The following DEXI variants were observed in gnomAD, a reference collection of about 807,000 sequenced individuals.
The protein encoded by DEXI is dexamethasone-induced protein.
In DEXI, 2 loss-of-function variants were observed where a neutral mutation model predicts 2.5. The ratio of observed to expected loss-of-function variants is 0.81; its 90% CI spans 0.33 to 2.55. The LOEUF (loss-of-function observed/expected upper bound fraction) is 2.55. DEXI is among the 30% of genes most tolerant of loss of function. The pLI is 0.11. For synonymous variants in DEXI, 71 were observed against 68.7 expected, an observed-to-expected ratio of 1.03 and a Z score of -0.17; for missense variants, 108 against 130.3, an observed-to-expected ratio of 0.83 and a Z score of 0.83.
chr16:10,933,285 ACT>A (rs1596651078), intron 1 of DEXI: 1 of 152,278 alleles, frequency 6.6e-6, no homozygotes, highest in Non-Finnish European at 1.5e-5. Flanking sequence ...TAGCTCAGTA[ACT>A]CTGCAGAGAA....
rs1380874310 is a variant in DEXI at position 10,934,481 on chromosome 16, TCCGCTGCTGCGTATTCACTA to T, written c.*150-4942_*150-4923del. The T allele has an allele frequency of 2.6e-5, 4 of 152,278 alleles. No individual in the cohort carries two copies. Among genetic ancestry groups the T allele is most frequent in the African/African-American group, 4.8e-5 (2 of 41,432 alleles). 9.4% of individuals were successfully genotyped at this position (152,278 alleles called of 1,614,324 possible). A position where few individuals can be genotyped will look rare whatever the true frequency, so the allele number is the denominator to read the frequency against. On this transcript the variant is annotated intron_variant, in intron 1 of 1. Coordinates refer to ENST00000331808, the MANE Select transcript of DEXI (RefSeq NM_014015.4). The surrounding 1 kb of genome is among the most constrained non-coding windows in gnomAD (Gnocchi z 4.2). ...GTCGGGGCCCTGAGAGCTGATCTGATCCGCTGCTGCGTATTCACTACCGCCCTGGGACGCCTCCAGCAGAC... is the reference window on the plus strand; with the variant it reads ...GTCGGGGCCCTGAGAGCTGATCTGATCCGCCCTGGGACGCCTCCAGCAGAC...
chr16:10,937,857 G>C lies in DEXI; in HGVS notation c.*149+3712C>G, dbSNP rs2041050905. 1.3e-5 allele frequency: 2 copies of C among 152,174 alleles called. No individual in the cohort carries two copies. The highest frequency in any genetic ancestry group is 4.8e-5 in the African/African-American group (2 of 41,426). 9.4% of individuals were successfully genotyped at this position (152,174 alleles called of 1,614,324 possible). ...ACAGAGCCGGCTATCCAGGGTTCTGGTGCCCTGGGGACCACAGGGCAGCAA... is the reference window on the plus strand; with the variant it reads ...ACAGAGCCGGCTATCCAGGGTTCTGCTGCCCTGGGGACCACAGGGCAGCAA... On this transcript the variant is annotated intron_variant, in intron 1 of 1. Transcript: ENST00000331808. The surrounding 1 kb of genome is among the most constrained non-coding windows in gnomAD (Gnocchi z 4.2).
rs1384076638 is a variant in DEXI, at chr16:10,939,974, C to G, written c.*149+1595G>C. 1 of 152,444 alleles carries G rather than the reference C, an allele frequency of 6.6e-6. No homozygotes were observed. Among genetic ancestry groups the G allele is most frequent in the Admixed American group, 6.5e-5 (1 of 15,282 alleles). 9.4% of individuals were successfully genotyped at this position (152,444 alleles called of 1,614,324 possible). A position where few individuals can be genotyped will look rare whatever the true frequency, so the allele number is the denominator to read the frequency against. On this transcript the variant is annotated intron_variant, in intron 1 of 1. Coordinates refer to ENST00000331808, the MANE Select transcript of DEXI (RefSeq NM_014015.4). This position sits in a 1 kb window ranked among gnomAD's most constrained non-coding sequence, Gnocchi z 4.9. The stretch of plus-strand genomic sequence containing the variant: ...AAAGAACGGACGGATGGATGGCAGG[C>G]AGGCAGGCAGGCTGGGGAGGTGTGC...
At position 10,937,723 on chromosome 16, in the gene DEXI, C is replaced by T. The variant is rs1012232719; in HGVS notation, c.*149+3846G>A. 1 of 152,278 alleles carries T rather than the reference C, an allele frequency of 6.6e-6. No homozygotes were observed. The highest frequency in any genetic ancestry group is 1.5e-5 in the Non-Finnish European group (1 of 68,090). 9.4% of individuals were successfully genotyped at this position (152,278 alleles called of 1,614,324 possible). ...CACCAGAACTGCTGGGACGTGAAGA[C>T]TCTCCCTGGCTCCCAGGCCAGCCAC... On this transcript the variant is annotated intron_variant, in intron 1 of 1. Transcript: ENST00000331808. This position sits in a 1 kb window ranked among gnomAD's most constrained non-coding sequence, Gnocchi z 4.2.
At chr16:10,932,552 T>A (rs972757405) in intron 1 of DEXI, 5 of 152,044 alleles carry the variant, frequency 3.3e-5, no homozygotes, top group African/African-American at 9.7e-5. Context: ...GATGGGGGTA[T>A]CCAATCTTTT....
chr16:10,941,513 C>T lies in DEXI; in HGVS notation c.*149+56G>A. On this transcript the variant is annotated intron_variant, in intron 1 of 1. Transcript: ENST00000331808. The surrounding 1 kb of genome is among the most constrained non-coding windows in gnomAD (Gnocchi z 6.4). ...TGTGTATCCGGCCTGGGAATTCCTC[C>T]CTCTCCCTTGCTAGCGCCCCAACCC... 4 of 1,387,076 alleles carry T rather than the reference C, an allele frequency of 2.9e-6. No individual in the cohort carries two copies. The highest frequency in any genetic ancestry group is 3.7e-6 in the Non-Finnish European group (4 of 1,067,218). 85.9% of individuals were successfully genotyped at this position (1,387,076 alleles called of 1,614,324 possible). A position where few individuals can be genotyped will look rare whatever the true frequency, so the allele number is the denominator to read the frequency against.
rs2040912567 is a variant in DEXI, at chr16:10,934,003, C to G, written c.*150-4444G>C. On this transcript the variant is annotated intron_variant, in intron 1 of 1. Coordinates refer to ENST00000331808, the MANE Select transcript of DEXI (RefSeq NM_014015.4). The surrounding 1 kb of genome is among the most constrained non-coding windows in gnomAD (Gnocchi z 4.2). The stretch of plus-strand genomic sequence containing the variant: ...TGCCTGTCTCTGCACAGGTCCATGT[C>G]CCTGAGGAAAGCCAACGTCACAGAG... The G allele has an allele frequency of 6.6e-6, 1 of 152,218 alleles. No individual in the cohort carries two copies. The highest frequency in any genetic ancestry group is 2.4e-5 in the African/African-American group (1 of 41,440). 9.4% of individuals were successfully genotyped at this position (152,218 alleles called of 1,614,324 possible). A position where few individuals can be genotyped will look rare whatever the true frequency, so the allele number is the denominator to read the frequency against.
intron 1 of DEXI, chr16:10,933,938 CT>C (rs2040908807): frequency 6.6e-6 from 1 of 152,244 alleles, no homozygotes; most frequent in South Asian, 2.1e-4. Context: ...GTCTGGCTGT[CT>C]CCTGGTGGCC....
At position 10,939,646 on chromosome 16, in the gene DEXI, A is replaced by G. The variant is rs2041074587; in HGVS notation, c.*149+1923T>C. 6.6e-6 allele frequency: 1 copy of G among 152,246 alleles called. No homozygotes were observed. The highest frequency in any genetic ancestry group is 1.5e-5 in the Non-Finnish European group (1 of 68,060). The allele number at this position is 152,246 out of a possible 1,614,324, so 9.4% of individuals were successfully genotyped here. ...TTAGAGAGGCTTTCTCTGACCCCTC[A>G]GCTAAAGCAGCCCACCATCTCTATC... On this transcript the variant is annotated intron_variant, in intron 1 of 1. Coordinates refer to ENST00000331808, the MANE Select transcript of DEXI (RefSeq NM_014015.4). The surrounding 1 kb of genome is among the most constrained non-coding windows in gnomAD (Gnocchi z 4.9).
rs1307510098 is a variant in DEXI at position 10,929,398 on chromosome 16, T to C, written c.*311A>G. The C allele has an allele frequency of 7.1e-6, 7 of 985,892 alleles. No individual in the cohort carries two copies. The highest frequency in any genetic ancestry group is 8.4e-6 in the Non-Finnish European group (7 of 829,946). 61.1% of individuals were successfully genotyped at this position (985,892 alleles called of 1,614,324 possible). ...AGAAGCCAAGGCCAGGCCATCGATTTGACACTGCAGGCAGATGAGGTCTTG... is the reference window on the plus strand; with the variant it reads ...AGAAGCCAAGGCCAGGCCATCGATTCGACACTGCAGGCAGATGAGGTCTTG... On this transcript the variant is annotated 3_prime_UTR_variant, in exon 2 of 2. Transcript: ENST00000331808. This position sits in a 1 kb window ranked among gnomAD's most constrained non-coding sequence, Gnocchi z 4.3.
At position 10,929,287 on chromosome 16, in the gene DEXI, G is replaced by A. The variant is rs928690536; in HGVS notation, c.*422C>T. On this transcript the variant is annotated 3_prime_UTR_variant, in exon 2 of 2. Coordinates refer to ENST00000331808, the MANE Select transcript of DEXI (RefSeq NM_014015.4). The surrounding 1 kb of genome is among the most constrained non-coding windows in gnomAD (Gnocchi z 4.3). ...AGTGTCCTCTCCGAAGGTGAAGTGG[G>A]GGAAGCAGGTGCGCTCCGGGATGAA... 2.0e-6 allele frequency: 2 copies of A among 985,826 alleles called. No homozygotes were observed. Among genetic ancestry groups the A allele is most frequent in the South Asian group, 4.7e-5 (1 of 21,296 alleles). 61.1% of individuals were successfully genotyped at this position (985,826 alleles called of 1,614,324 possible).
intron 1 of DEXI, chr16:10,932,557 T>A (rs1567462974): frequency 6.6e-6 from 1 of 151,962 alleles, no homozygotes; most frequent in Non-Finnish European, 1.5e-5. Context: ...GGGTATCCAA[T>A]CTTTTGGCTT....
chr16:10,929,285 G>A lies in DEXI; in HGVS notation c.*424C>T, dbSNP rs1364599383. ...GAAGTGTCCTCTCCGAAGGTGAAGT[G>A]GGGGAAGCAGGTGCGCTCCGGGATG... On this transcript the variant is annotated 3_prime_UTR_variant, in exon 2 of 2. Transcript: ENST00000331808. The surrounding 1 kb of genome is among the most constrained non-coding windows in gnomAD (Gnocchi z 4.3). 7.1e-6 allele frequency: 7 copies of A among 985,970 alleles called. No individual in the cohort carries two copies. Among genetic ancestry groups the A allele is most frequent in the Non-Finnish European group, 8.4e-6 (7 of 829,988 alleles). The allele number at this position is 985,970 out of a possible 1,614,324, so 61.1% of individuals were successfully genotyped here.
chr16:10,931,964 G>A (rs2040817032), intron 1 of DEXI: 1 of 152,216 alleles, frequency 6.6e-6, no homozygotes, highest in African/African-American at 2.4e-5. Flanking sequence ...ACTGTTAATA[G>A]TTCAGGTAAC....
chr16:10,941,684 T>A lies in DEXI; in HGVS notation c.*34A>T, dbSNP rs2041104347. On this transcript the variant is annotated 3_prime_UTR_variant, in exon 1 of 2. Coordinates refer to ENST00000331808, the MANE Select transcript of DEXI (RefSeq NM_014015.4). This position sits in a 1 kb window ranked among gnomAD's most constrained non-coding sequence, Gnocchi z 6.4. ...GCTGGTCCAGGGCATGGGTTGCGGA[T>A]CGTGTAGGGAAGAGGGGAACAGCAG... The A allele has an allele frequency of 6.4e-7, 1 of 1,569,540 alleles. No individual in the cohort carries two copies. The highest frequency in any genetic ancestry group is 1.4e-5 in the African/African-American group (1 of 73,990).
chr16:10,930,426 C>T (rs1293838283), intron 1 of DEXI: 2 of 152,178 alleles, frequency 1.3e-5, no homozygotes, highest in African/African-American at 4.8e-5. Context: ...CACCCCTGGC[C>T]ACTGGAACAA....
chr16:10,932,790 C>T (rs2145359923), intron 1 of DEXI: 1 of 149,012 alleles, frequency 6.7e-6, no homozygotes, highest in South Asian at 2.1e-4. Flanking sequence ...CAGGTTCAAG[C>T]AATTCTCATG....
chr16:10,942,070 G>C lies in DEXI; in HGVS notation c.-65C>G, dbSNP rs985352530. ...AACTCAGCCGCTGCGGCGCCCGGGCGGCCGGCGAGGGCACAGCGCAGCCAT... is the reference window on the plus strand; with the variant it reads ...AACTCAGCCGCTGCGGCGCCCGGGCCGCCGGCGAGGGCACAGCGCAGCCAT... On this transcript the variant is annotated 5_prime_UTR_variant, in exon 1 of 2. Coordinates refer to ENST00000331808, the MANE Select transcript of DEXI (RefSeq NM_014015.4). The surrounding 1 kb of genome is among the most constrained non-coding windows in gnomAD (Gnocchi z 5.0). 6.1e-5 allele frequency: 79 copies of C among 1,285,308 alleles called. No homozygotes were observed. The highest frequency in any genetic ancestry group is 7.2e-5 in the Non-Finnish European group (72 of 1,004,352). The allele number at this position is 1,285,308 out of a possible 1,614,324, so 79.6% of individuals were successfully genotyped here. A position where few individuals can be genotyped will look rare whatever the true frequency, so the allele number is the denominator to read the frequency against.
At position 10,929,413 on chromosome 16, in the gene DEXI, A is replaced by G; in HGVS notation, c.*296T>C. ...GCCATCGATTTGACACTGCAGGCAG[A>G]TGAGGTCTTGGGATGCCTCTTGCGT... On this transcript the variant is annotated 3_prime_UTR_variant, in exon 2 of 2. Transcript: ENST00000331808. This position sits in a 1 kb window ranked among gnomAD's most constrained non-coding sequence, Gnocchi z 4.3. 4 of 985,900 alleles carry G rather than the reference A, an allele frequency of 4.1e-6. No homozygotes were observed. Among genetic ancestry groups the G allele is most frequent in the Non-Finnish European group, 4.8e-6 (4 of 829,950 alleles). The allele number at this position is 985,900 out of a possible 1,614,324, so 61.1% of individuals were successfully genotyped here.
Sources: gnomAD v4.1 joint callset for allele counts on GRCh38, gnomAD v4.1.1 for gene constraint, Gnocchi (gnomAD v3.1) non-coding constraint, MANE v1.5 for transcripts, NCBI Gene and HGNC (gene_info 2026-07-23, HGNC 2026-07-21) for gene names.